Variants in EYS observed in about 807,000 individuals in gnomAD.
EYS encodes the protein protein eyes shut homolog.
A neutral mutation model predicts 282.1 loss-of-function variants in EYS; 250 were observed. That is an observed-to-expected ratio of 0.89 (90% CI 0.80 to 0.98). The LOEUF (loss-of-function observed/expected upper bound fraction) is 0.98. Ranked by LOEUF, EYS falls within the 50% of genes least tolerant of loss-of-function variation. EYS has a pLI of 0.00. For synonymous variants in EYS, 1,355 were observed against 1,282.9 expected (o/e 1.06, Z -1.20); for missense variants, 4,016 against 3,709.0 (o/e 1.08, Z -2.15).
chr6:65,334,434 AT>A (rs984276694), intron 11 of EYS, among the ~76,000 whole-genome samples: 3 of 151,222 alleles, frequency 2.0e-5, no homozygotes, highest in African/African-American at 4.9e-5. Context: ...CACCTGGCTG[AT>A]TTTTTTAAGT....
chr6:64,504,005 G>A (rs1777133459), intron 26 of EYS, among the ~76,000 whole-genome samples: 1 of 152,150 alleles, frequency 6.6e-6, no homozygotes, highest in African/African-American at 2.4e-5. Flanking sequence ...ATGATTGTAT[G>A]TTTCCTGAGG....
intron 30 of EYS, among the ~76,000 whole-genome samples, chr6:64,258,621 C>T (rs1005929916): frequency 6.6e-6 from 1 of 152,014 alleles, no homozygotes; most frequent in Non-Finnish European, 1.5e-5. Flanking sequence ...ATAGTTATCA[C>T]ACAAAATAAA....
intron 35 of EYS, among the ~76,000 whole-genome samples, chr6:63,946,520 T>C (rs879469290): frequency 6.6e-6 from 1 of 152,148 alleles, no homozygotes; most frequent in African/African-American, 2.4e-5. Context: ...TTCTCTTTTA[T>C]ATAGGAGGTC....
intron 26 of EYS, among the ~76,000 whole-genome samples, chr6:64,564,240 A>T (rs1198189603): frequency 8.0e-6 from 1 of 125,694 alleles, no homozygotes; most frequent in African/African-American, 3.0e-5. Context: ...CCTTTTCTCC[A>T]TATCCTCATC....
intron 19 of EYS, among the ~76,000 whole-genome samples, chr6:64,848,849 A>T (rs934066267): frequency 4.6e-5 from 7 of 152,106 alleles, no homozygotes; most frequent in African/African-American, 1.7e-4. Context: ...AACTCAACAG[A>T]CTGTGCCTAG....
Position 65,666,941 on chromosome 6 carries a change from A to T in EYS, c.-447-27049T>A, listed in dbSNP as rs1403953807. On this transcript the variant is annotated intron_variant, in intron 1 of 42. Transcript: ENST00000503581. ...ATATAAAAAATAGAAACGTAAATCT[A>T]CATTGCCACCCAATGTAAAAAAAAA... 3.3e-5 allele frequency among the ~76,000 whole-genome samples: 5 copies of T among 150,830 alleles called. No homozygotes were observed. The East Asian group carries it at 8.0e-4, about 24-fold the overall frequency.
intron 29 of EYS, among the ~76,000 whole-genome samples, chr6:64,334,101 G>A (rs11968809): frequency 0.017 from 2,629 of 152,248 alleles, 67 homozygotes; most frequent in African/African-American, 0.06. Flanking sequence ...AAGAATCCAA[G>A]AACATAACAC....
chr6:64,309,737 C>T (rs1769600787), intron 29 of EYS, among the ~76,000 whole-genome samples: 1 of 151,974 alleles, frequency 6.6e-6, no homozygotes. Flanking sequence ...GAGGCCGAGG[C>T]ACGTGGATCA....
At chr6:64,597,211 A>T (rs761027841) in intron 24 of EYS, among the ~76,000 whole-genome samples, 2 of 152,176 alleles carry the variant, frequency 1.3e-5, no homozygotes, top group Non-Finnish European at 2.9e-5. Flanking sequence ...AAAGACAAAA[A>T]ATAACAGATA....
intron 41 of EYS, among the ~76,000 whole-genome samples, chr6:63,735,521 C>T (rs780672567): frequency 1.3e-5 from 2 of 151,426 alleles, no homozygotes; most frequent in South Asian, 2.1e-4. Context: ...ACACACCCTA[C>T]TTATTATTAG....
intron 22 of EYS, among the ~76,000 whole-genome samples, chr6:64,774,109 T>C (rs1773607949): frequency 6.6e-6 from 1 of 151,944 alleles, no homozygotes; most frequent in Admixed American, 6.6e-5. Flanking sequence ...CACATACTTA[T>C]GCATTTTGTT....
chr6:64,603,109 T>C (rs1159107013), intron 24 of EYS, among the ~76,000 whole-genome samples: 1 of 152,090 alleles, frequency 6.6e-6, no homozygotes, highest in Non-Finnish European at 1.5e-5. Context: ...GCCTCCAGGT[T>C]CAAACACTGC....
At chr6:65,061,678 A>G (rs1773577661) in intron 12 of EYS, among the ~76,000 whole-genome samples, 1 of 151,880 alleles carries the variant, frequency 6.6e-6, no homozygotes, top group Non-Finnish European at 1.5e-5. Context: ...ATACATTTAA[A>G]TTAGTTTTCC....
intron 22 of EYS, among the ~76,000 whole-genome samples, chr6:64,740,468 C>T (rs1039498916): frequency 3.3e-5 from 5 of 152,034 alleles, no homozygotes; most frequent in African/African-American, 1.2e-4. Flanking sequence ...TTTCTGTGTC[C>T]ATAACTTTTA....
At chr6:64,840,726 AC>A (rs1338806734) in intron 19 of EYS, among the ~76,000 whole-genome samples, 25 of 152,244 alleles carry the variant, frequency 1.6e-4, no homozygotes, top group African/African-American at 5.5e-4. Context: ...ACAAGTGTTA[AC>A]TGATTGCTTA....
rs1775082623 is a variant in EYS, at chr6:64,445,264, A to T, written c.5645-5912T>A. Among the ~76,000 whole-genome samples, 4 of 152,174 alleles carry T rather than the reference A, an allele frequency of 2.6e-5. No individual in the cohort carries two copies. In the South Asian group the frequency reaches 8.3e-4, roughly 32 times the overall value. The stretch of plus-strand genomic sequence containing the variant: ...AAATTTTAAACAGATGAGAATAATG[A>T]TTATAGCAAGCACAGAATAGCTTTG... On this transcript the variant is annotated intron_variant, in intron 26 of 42. Transcript: ENST00000503581.
intron 12 of EYS, among the ~76,000 whole-genome samples, chr6:65,170,018 C>A (rs778595394): frequency 7.3e-5 from 11 of 151,486 alleles, no homozygotes; most frequent in Admixed American, 6.6e-5. Flanking sequence ...AAATGGGAAA[C>A]TTACTTTCAC....
At chr6:65,593,367 CT>C (rs2127369497) in intron 2 of EYS, among the ~76,000 whole-genome samples, 1 of 152,032 alleles carries the variant, frequency 6.6e-6, no homozygotes, top group South Asian at 2.1e-4. Context: ...TATTTTATTA[CT>C]TCTCTGTTTT....
intron 30 of EYS, among the ~76,000 whole-genome samples, chr6:64,273,151 T>A (rs567926986): frequency 6.6e-6 from 1 of 152,198 alleles, no homozygotes; most frequent in Admixed American, 6.5e-5. Context: ...CTCAGTTGCT[T>A]ACTATGTGTC....
Sources: gnomAD v4.1 joint callset for allele counts (sites outside exome capture counted in the v4.1 genomes callset) on GRCh38, gnomAD v4.1.1 for gene constraint, MANE v1.5 for transcripts, NCBI Gene and HGNC (gene_info 2026-07-23, HGNC 2026-07-21) for gene names.